The following EML4 variants were observed in gnomAD, a reference collection of about 807,000 sequenced individuals.
EML4 encodes the protein EMAP like 4, also known as echinoderm microtubule-associated protein-like 4.
A neutral mutation model predicts 129.0 loss-of-function variants in EML4; 72 were observed. The observed-to-expected ratio is 0.56, with a 90% confidence interval of 0.46 to 0.68. The LOEUF (loss-of-function observed/expected upper bound fraction) is 0.68, where lower values mean the gene tolerates loss of function less well. Ranked by LOEUF, EML4 falls within the 30% of genes least tolerant of loss-of-function variation. The probability of loss-of-function intolerance (pLI) is 0.00; values close to 1 mark genes in which losing one functional copy is unlikely to be tolerated. For synonymous variants in EML4, 532 were observed against 405.0 expected (o/e 1.31, Z -3.77); for missense variants, 1,363 against 1,190.6 (o/e 1.14, Z -2.13).
chr2:42,233,118 T>G (rs563069793), intron 1 of EML4, among the ~76,000 whole-genome samples: 1 of 152,342 alleles, frequency 6.6e-6, no homozygotes. Context: ...GATCAATCTC[T>G]TCATGTTCAT....
chr2:42,188,414 T>C (rs1671389763), intron 1 of EML4, among the ~76,000 whole-genome samples: 1 of 151,150 alleles, frequency 6.6e-6, no homozygotes, highest in African/African-American at 2.4e-5. Context: ...TTGAGAAGGG[T>C]TTTTGCCATG....
intron 1 of EML4, among the ~76,000 whole-genome samples, chr2:42,238,554 G>A (rs145065463): frequency 1.3e-5 from 2 of 152,216 alleles, no homozygotes; most frequent in Non-Finnish European, 2.9e-5. Context: ...ACCAGCTTGG[G>A]CAATATTGTG....
rs1370192515 is a variant in EML4, at chr2:42,209,227, A to G, written c.26-36278A>G. Among the ~76,000 whole-genome samples the G allele has an allele frequency of 3.3e-5, 5 of 152,228 alleles. No homozygotes were observed. The East Asian group carries it at 7.7e-4, about 23-fold the overall frequency. ...CAAAACATGAAATAATTTTTAGACAATTATGTTAACTTTTCTGGTTTTTTT... is the reference window on the plus strand; with the variant it reads ...CAAAACATGAAATAATTTTTAGACAGTTATGTTAACTTTTCTGGTTTTTTT... On this transcript the variant is annotated intron_variant, in intron 1 of 22. Transcript: ENST00000318522.
At chr2:42,250,911 C>G (rs1023402121) in intron 2 of EML4, among the ~76,000 whole-genome samples, 3 of 152,158 alleles carry the variant, frequency 2.0e-5, no homozygotes, top group Non-Finnish European at 4.4e-5. Flanking sequence ...TGATGGGAGA[C>G]AGTGACAGAT....
chr2:42,206,517 A>G (rs1470390641), intron 1 of EML4, among the ~76,000 whole-genome samples: 1 of 152,148 alleles, frequency 6.6e-6, no homozygotes, highest in Non-Finnish European at 1.5e-5. Flanking sequence ...CCCAGCCTGC[A>G]TTTAGTTTTT....
intron 1 of EML4, among the ~76,000 whole-genome samples, chr2:42,175,139 G>A (rs1670527327): frequency 6.6e-6 from 1 of 151,812 alleles, no homozygotes; most frequent in Admixed American, 6.6e-5. Context: ...TTGAGACGGA[G>A]TCTTGCTCTA....
chr2:42,191,721 C>T (rs147508079), intron 1 of EML4, among the ~76,000 whole-genome samples: 3 of 152,228 alleles, frequency 2.0e-5, no homozygotes, highest in Admixed American at 6.5e-5. Flanking sequence ...TTCTCTTTGC[C>T]GTTGCCACTT....
intron 13 of EML4, among the ~76,000 whole-genome samples, chr2:42,295,975 C>A (rs1667924903): frequency 6.6e-6 from 1 of 152,134 alleles, no homozygotes; most frequent in African/African-American, 2.4e-5. Flanking sequence ...GGGTCCTTGG[C>A]ATCCATTCAG....
intron 1 of EML4, among the ~76,000 whole-genome samples, chr2:42,241,528 G>T (rs934672226): frequency 2.6e-5 from 4 of 152,142 alleles, no homozygotes; most frequent in African/African-American, 9.7e-5. Context: ...CCTTTCACAT[G>T]GGTTACTGCA....
At chr2:42,265,104 T>C (rs1005568479) in intron 6 of EML4, among the ~76,000 whole-genome samples, 4 of 152,120 alleles carry the variant, frequency 2.6e-5, no homozygotes, top group African/African-American at 9.7e-5. Context: ...TTTACTTTTT[T>C]TTTTGAGACC....
intron 9 of EML4, among the ~76,000 whole-genome samples, chr2:42,285,606 T>C (rs1410022076): frequency 6.9e-6 from 1 of 144,120 alleles, no homozygotes; most frequent in Non-Finnish European, 1.5e-5. Flanking sequence ...TCTTTTTTTC[T>C]TTTTTTTTTT....
intron 19 of EML4, among the ~76,000 whole-genome samples, chr2:42,320,421 A>G (rs1669460087): frequency 6.6e-6 from 1 of 152,084 alleles, no homozygotes; most frequent in Admixed American, 6.5e-5. Context: ...AAGTAACTTC[A>G]GAAAAGTTAC....
At chr2:42,175,365 G>C (rs1012324894) in intron 1 of EML4, among the ~76,000 whole-genome samples, 3 of 150,386 alleles carry the variant, frequency 2.0e-5, no homozygotes, top group Non-Finnish European at 4.4e-5. Flanking sequence ...CGCCTGCCTC[G>C]GCCTTCCAAA....
intron 6 of EML4, among the ~76,000 whole-genome samples, chr2:42,268,436 A>G (rs1054175137): frequency 1.3e-5 from 2 of 151,964 alleles, no homozygotes; most frequent in African/African-American, 2.4e-5. Flanking sequence ...TTTCATTTCA[A>G]ATTTATTATT....
chr2:42,280,022 T>C (rs983491205), intron 6 of EML4, among the ~76,000 whole-genome samples: 1 of 152,170 alleles, frequency 6.6e-6, no homozygotes, highest in Non-Finnish European at 1.5e-5. Context: ...TTATTAGATA[T>C]ATGGCTTGCA....
At chr2:42,325,141 C>G (rs1669717822) in intron 19 of EML4, 1 of 512,918 alleles carries the variant, frequency 1.9e-6, no homozygotes, top group Non-Finnish European at 3.9e-6. Flanking sequence ...CATGGGGACA[C>G]CAGTGACGTG....
At position 42,261,263 on chromosome 2, in the gene EML4, C is replaced by G. The variant is rs771689075; in HGVS notation, c.481C>G (p.Pro161Ala). 6 of 1,613,630 alleles carry G rather than the reference C, an allele frequency of 3.7e-6. No individual in the cohort carries two copies. Among genetic ancestry groups the G allele is most frequent in the Admixed American group, 3.3e-5 (2 of 59,988 alleles). The stretch of plus-strand genomic sequence containing the variant: ...ACCTCTCCAAATACACAGACAAACT[C>G]CAGAAAGCAAGAATGCTACTCCCAC... ...SQPLQIHRQT[P>A]ESKNATPTKS... The change falls in exon 4 of 23, where the codon CCA (proline) becomes GCA (alanine). Residue 161 changes from proline (P) to alanine (A), a missense_variant. Pro to Ala is a conservative substitution (Grantham distance 27). Transcript: ENST00000318522.
At chr2:42,179,914 A>G (rs897811801) in intron 1 of EML4, among the ~76,000 whole-genome samples, 2 of 152,166 alleles carry the variant, frequency 1.3e-5, no homozygotes, top group African/African-American at 2.4e-5. Context: ...TGTGTTTTAT[A>G]TATACACACA....
At chr2:42,249,241 C>A (rs1558539206) in intron 2 of EML4, among the ~76,000 whole-genome samples, 1 of 151,240 alleles carries the variant, frequency 6.6e-6, no homozygotes, top group African/African-American at 2.4e-5. Context: ...TGTATTTTTT[C>A]TTTAATTAAA....
Sources: allele counts gnomAD v4.1 joint callset (sites outside exome capture counted in the v4.1 genomes callset), GRCh38; gene constraint gnomAD v4.1.1; transcripts MANE v1.5; gene names NCBI Gene and HGNC (gene_info 2026-07-23, HGNC 2026-07-21).